Variants in LRRC37B observed in about 807,000 individuals in gnomAD.
LRRC37B encodes leucine-rich repeat-containing protein 37B.
In LRRC37B, 28 loss-of-function variants were observed where a neutral mutation model predicts 98.3. That is an observed-to-expected ratio of 0.28 (90% confidence interval 0.21 to 0.39). The LOEUF (loss-of-function observed/expected upper bound fraction) is 0.39. Among genes scored for constraint, LRRC37B ranks in the 10% least tolerant of loss-of-function variants. The probability of loss-of-function intolerance (pLI) is 1.00; values close to 1 mark genes in which losing one functional copy is unlikely to be tolerated. For synonymous variants in LRRC37B, 364 were observed against 442.7 expected (o/e 0.82, Z 2.23); for missense variants, 938 against 1,182.7 (o/e 0.79, Z 3.03).
intron 2 of LRRC37B, among the ~76,000 whole-genome samples, chr17:32,026,078 C>T (rs570107684): frequency 1.3e-5 from 2 of 152,130 alleles, no homozygotes; most frequent in Non-Finnish European, 2.9e-5. Context: ...TCGTTTTCTT[C>T]CTGATTTATA....
chr17:32,043,578 T>A (rs1355046314), intron 7 of LRRC37B, among the ~76,000 whole-genome samples: 1 of 152,080 alleles, frequency 6.6e-6, no homozygotes, highest in Non-Finnish European at 1.5e-5. Flanking sequence ...AGAAACATCT[T>A]TGTGTCAGAG....
At chr17:32,007,843 G>T (rs990770567), upstream of LRRC37B, 4 of 1,164,758 alleles carry the variant, frequency 3.4e-6, no homozygotes, top group African/African-American at 4.9e-5. This position sits in a 1 kb window ranked among gnomAD's most constrained non-coding sequence, Gnocchi z 4.1. Flanking sequence ...CCGCCGGCCC[G>T]CCCCGCGCCG....
At position 32,030,647 on chromosome 17, in the gene LRRC37B, T is replaced by G. The variant is rs1414224515; in HGVS notation, c.1905-9T>G. ...TATCAAGGCAATATTTTCCTTTTATTTTTCCTAGAGATTTATCCTGCAATA... is the reference window on the plus strand; with the variant it reads ...TATCAAGGCAATATTTTCCTTTTATGTTTCCTAGAGATTTATCCTGCAATA... On this transcript the variant is annotated splice_polypyrimidine_tract_variant and intron_variant, in intron 3 of 11. Transcript: ENST00000327564. 2.1e-6 allele frequency: 3 copies of G among 1,448,228 alleles called. No homozygotes were observed. The highest frequency in any genetic ancestry group is 2.8e-6 in the Non-Finnish European group (3 of 1,071,012). 89.7% of individuals were successfully genotyped at this position (1,448,228 alleles called of 1,614,324 possible). A position where few individuals can be genotyped will look rare whatever the true frequency, so the allele number is the denominator to read the frequency against.
intron 4 of LRRC37B, among the ~76,000 whole-genome samples, chr17:32,031,054 C>G (rs1044459633): frequency 6.6e-6 from 1 of 151,842 alleles, no homozygotes; most frequent in African/African-American, 2.4e-5. Context: ...TGCTAAACAT[C>G]CTGCAGAGTA....
Position 32,022,246 on chromosome 17 carries a change from A to G in LRRC37B, c.1181A>G (p.Gln394Arg), listed in dbSNP as rs200580074. 53 of 1,613,840 alleles carry G rather than the reference A, an allele frequency of 3.3e-5. No individual in the cohort carries two copies. In the East Asian group the frequency reaches 1.1e-3, roughly 35 times the overall value. The change falls in exon 1 of 12, where the codon CAG (glutamine) becomes CGG (arginine). Residue 394 changes from glutamine to arginine, a missense_variant. Coordinates refer to ENST00000327564, the Ensembl canonical transcript of LRRC37B. ...GAGACAGAATCTACCCAAGCCCAGCAGGAGGCCCCAATTCAGCCTCCCGAG... is the reference window on the plus strand; with the variant it reads ...GAGACAGAATCTACCCAAGCCCAGCGGGAGGCCCCAATTCAGCCTCCCGAG...
chr17:32,045,427 A>T (rs1911544862), intron 7 of LRRC37B: 1 of 366,436 alleles, frequency 2.7e-6, no homozygotes, highest in African/African-American at 2.0e-5. Flanking sequence ...AGTCGGGAAG[A>T]GATACCTCTG....
At chr17:32,050,043 T>A in exon 11 of LRRC37B, 1 of 1,592,700 alleles carries the variant, frequency 6.3e-7, no homozygotes, top group Non-Finnish European at 8.6e-7. Flanking sequence ...AAGAACAAAC[T>A]CATCTTCGCA....
intron 3 of LRRC37B, among the ~76,000 whole-genome samples, chr17:32,030,033 A>G (rs1163641858): frequency 1.3e-5 from 2 of 152,112 alleles, no homozygotes; most frequent in Non-Finnish European, 2.9e-5. Flanking sequence ...ACAACGTTAC[A>G]CCATCCAGGT....
In LRRC37B at chr17:32,049,056, T is replaced by C. The variant is rs780884602; in HGVS notation, c.2465-46T>C. ...ATACAACAATGTGGGCATTGACTTG[T>C]CCCCTGAGCCCAAAAGCTTCAATTA... is the stretch of plus-strand genomic sequence containing the variant. On this transcript the variant is annotated intron_variant, in intron 9 of 11. Transcript: ENST00000327564. The C allele has an allele frequency of 2.2e-5, 35 of 1,612,310 alleles. No homozygotes were observed. In the South Asian group the frequency reaches 3.8e-4, roughly 18 times the overall value.
chr17:32,041,637 G>T, intron 7 of LRRC37B: 1 of 462,820 alleles, frequency 2.2e-6, no homozygotes, highest in Non-Finnish European at 4.3e-6. Flanking sequence ...GCCTGCCGGC[G>T]CCACCCAGGC....
chr17:32,037,008 AAC>A (rs1312883534), intron 7 of LRRC37B, among the ~76,000 whole-genome samples: 1 of 76,424 alleles, frequency 1.3e-5, no homozygotes, highest in African/African-American at 4.3e-5. Flanking sequence ...TTTTTTTTGC[AAC>A]ACAGTCTTGC....
At chr17:32,010,301 T>C (rs1296006420) in intron 1 of LRRC37B, among the ~76,000 whole-genome samples, 1 of 152,250 alleles carries the variant, frequency 6.6e-6, no homozygotes, top group African/African-American at 2.4e-5. Flanking sequence ...TGAGAATAGC[T>C]GTTCCGATAA....
exon 1 of LRRC37B, chr17:32,021,139 C>A: frequency 6.2e-7 from 1 of 1,614,094 alleles, no homozygotes; most frequent in Non-Finnish European, 8.5e-7. Context: ...ATAGCACCAG[C>A]GTGTGTCATG....
chr17:32,015,470 C>T (rs1368210225), intron 1 of LRRC37B, among the ~76,000 whole-genome samples: 3 of 152,124 alleles, frequency 2.0e-5, no homozygotes, highest in Non-Finnish European at 4.4e-5. Flanking sequence ...CTTCCCTATA[C>T]CAATATTGAG....
At chr17:32,027,015 C>A (rs1297907411) in intron 2 of LRRC37B, among the ~76,000 whole-genome samples, 1 of 151,982 alleles carries the variant, frequency 6.6e-6, no homozygotes, top group Non-Finnish European at 1.5e-5. Context: ...CAGAATGGAC[C>A]CTGTCTCAGA....
At chr17:32,038,734 T>A (rs1911321580) in intron 7 of LRRC37B, among the ~76,000 whole-genome samples, 2 of 152,150 alleles carry the variant, frequency 1.3e-5, no homozygotes, top group South Asian at 4.1e-4. Context: ...GGCCCATGCC[T>A]GTAATCCCGG....
At chr17:32,030,191 G>A (rs1911073855) in intron 3 of LRRC37B, among the ~76,000 whole-genome samples, 1 of 152,136 alleles carries the variant, frequency 6.6e-6, no homozygotes, top group Non-Finnish European at 1.5e-5. Flanking sequence ...TCAAAGTTAT[G>A]TATTAAGTAA....
chr17:32,046,506 G>A (rs766781282), intron 8 of LRRC37B, among the ~76,000 whole-genome samples: 1 of 152,010 alleles, frequency 6.6e-6, no homozygotes, highest in Admixed American at 6.6e-5. Flanking sequence ...TTGAATACAG[G>A]TATCTACCAG....
chr17:32,008,762 T>C (rs68140514), intron 1 of LRRC37B, among the ~76,000 whole-genome samples: 27,347 of 152,112 alleles, frequency 0.18, 2,995 homozygotes, highest in African/African-American at 0.3. Context: ...GCTGACGGGC[T>C]AGTGCAACAG....
Sources: gnomAD v4.1 joint callset for allele counts (sites outside exome capture counted in the v4.1 genomes callset) on GRCh38, gnomAD v4.1.1 for gene constraint, Gnocchi (gnomAD v3.1) non-coding constraint, MANE v1.5 for transcripts, NCBI Gene and HGNC (gene_info 2026-07-23, HGNC 2026-07-21) for gene names.